Variants in DELE1 observed in about 807,000 individuals in gnomAD.
DELE1 encodes the protein DAP3 binding cell death enhancer 1.
DELE1 carries 54 observed loss-of-function variants against 59.3 expected under a neutral mutation model. The ratio of observed to expected loss-of-function variants is 0.91; its 90% confidence interval spans 0.73 to 1.14. DELE1 has a LOEUF of 1.14. DELE1 is among the 50% of genes most tolerant of loss of function. DELE1 has a pLI of 0.00. For synonymous variants in DELE1, 264 were observed against 259.1 expected (o/e 1.02, Z -0.18); for missense variants, 636 against 643.9 (o/e 0.99, Z 0.13).
intron 11 of DELE1, among the ~76,000 whole-genome samples, chr5:141,938,265 G>GGGACT (rs1752524951): frequency 6.6e-6 from 1 of 152,202 alleles, no homozygotes. Flanking sequence ...ATGACACTAA[G>GGGACT]GGACTTAGCA....
In DELE1 at chr5:141,934,579, A is replaced by G. The variant is rs1252229726; in HGVS notation, c.1142A>G (p.Asn381Ser). 20 of 1,614,040 alleles carry G rather than the reference A, an allele frequency of 1.2e-5. No individual in the cohort carries two copies. The highest frequency in any genetic ancestry group is 1.4e-5 in the Non-Finnish European group (17 of 1,179,960). ...RAVKYLWLAANNGDSQSRYHL... is the reference protein window; with the variant it reads ...RAVKYLWLAASNGDSQSRYHL... Reference sequence around the variant, plus strand: ...GTGAAATATCTTTGGCTTGCAGCCAACAATGGGGTATGCGATCTCAGTGGA... The same window carrying G: ...GTGAAATATCTTTGGCTTGCAGCCAGCAATGGGGTATGCGATCTCAGTGGA... Residue 381 changes from asparagine (N) to serine (S), a missense_variant, in exon 10 of 12, where the codon AAC becomes AGC. By Grantham distance (46) the Asn-to-Ser change is conservative. Transcript: ENST00000432126.
chr5:141,928,642 A>G (rs980837266), intron 4 of DELE1, among the ~76,000 whole-genome samples: 1 of 152,166 alleles, frequency 6.6e-6, no homozygotes, highest in African/African-American at 2.4e-5. Flanking sequence ...TTTATTGAGC[A>G]CCTATTATGT....
intron 2 of DELE1, among the ~76,000 whole-genome samples, chr5:141,925,052 C>T (rs1751279774): frequency 6.6e-6 from 1 of 152,140 alleles, no homozygotes; most frequent in African/African-American, 2.4e-5. Flanking sequence ...CTCAGCCTCC[C>T]AAGTAGCTGG....
chr5:141,938,720 C>A lies in DELE1; in HGVS notation c.1509C>A (p.Tyr503Ter). Residue 503 changes from tyrosine to a stop codon, truncating the protein, a stop_gained, in exon 12 of 12, where the codon TAC becomes TAA. Transcript: ENST00000432126. LOFTEE classifies it high-confidence loss of function. ...ASSRAIPPHP[Y>*]PLERSVVRLG... ...GCAGGGCTATTCCCCCACACCCCTA[C>A]CCACTGGAAAGGAGTGTTGTAAGAC... 4 of 1,614,022 alleles carry A rather than the reference C, an allele frequency of 2.5e-6. No individual in the cohort carries two copies. Among genetic ancestry groups the A allele is most frequent in the Non-Finnish European group, 3.4e-6 (4 of 1,179,984 alleles).
At position 141,939,551 on chromosome 5, in the gene DELE1, C is replaced by A. The variant is rs958776870; in HGVS notation, c.*792C>A. On this transcript the variant is annotated 3_prime_UTR_variant, in exon 12 of 12. Coordinates refer to ENST00000432126, the MANE Select transcript of DELE1 (RefSeq NM_014773.5). ...TGCCTGGATGTGTCTGCTTGACTTT[C>A]AGAACTTCTCACCTCAGCCCTAAAG... 1.0e-6 allele frequency: 1 copy of A among 985,762 alleles called. No homozygotes were observed. Among genetic ancestry groups the A allele is most frequent in the Non-Finnish European group, 1.2e-6 (1 of 829,926 alleles). The allele number at this position is 985,762 out of a possible 1,614,324, so 61.1% of individuals were successfully genotyped here.
intron 10 of DELE1, chr5:141,936,956 C>T (rs1752409052): frequency 7.6e-7 from 1 of 1,321,516 alleles, no homozygotes. Context: ...AGAGAAGCCT[C>T]CACACTGCCC....
chr5:141,933,383 C>T lies in DELE1; in HGVS notation c.879C>T (p.Thr293=). The part of the protein sequence containing the change: ...AGLCHEHGRG[T]PRDISKAVLY... The stretch of plus-strand genomic sequence containing the variant: ...TGTGTCATGAGCATGGCAGAGGCAC[C>T]CCCAGGGACATTAGCAAGGTATTCC... The change falls in exon 8 of 12, where the codon ACC becomes ACT. Residue 293 remains threonine (T), a synonymous_variant. Transcript: ENST00000432126. 1 of 1,504,906 alleles carries T rather than the reference C, an allele frequency of 6.6e-7. No individual in the cohort carries two copies. Among genetic ancestry groups the T allele is most frequent in the South Asian group, 1.3e-5 (1 of 79,160 alleles). The allele number at this position is 1,504,906 out of a possible 1,614,324, so 93.2% of individuals were successfully genotyped here. A position where few individuals can be genotyped will look rare whatever the true frequency, so the allele number is the denominator to read the frequency against.
Position 141,940,126 on chromosome 5 carries a change from T to G in DELE1, c.*1367T>G. On this transcript the variant is annotated 3_prime_UTR_variant, in exon 12 of 12. Transcript: ENST00000432126. ...CATGTGCCAGAAATGTCTAGGTGTT[T>G]AATAAAACAGATATTGGATTATCTC... 1.0e-6 allele frequency: 1 copy of G among 985,414 alleles called. No individual in the cohort carries two copies. The highest frequency in any genetic ancestry group is 1.2e-6 in the Non-Finnish European group (1 of 829,938). 61.0% of individuals were successfully genotyped at this position (985,414 alleles called of 1,614,324 possible). A position where few individuals can be genotyped will look rare whatever the true frequency, so the allele number is the denominator to read the frequency against.
Position 141,941,793 on chromosome 5 carries a change from A to G in DELE1, c.*3034A>G, listed in dbSNP as rs1209334135. ...AGTGTGGGGCACTCAGATGTTCAGT[A>G]AATATACATTCAACAAATAAGTGAG... On this transcript the variant is annotated 3_prime_UTR_variant, in exon 12 of 12. Coordinates refer to ENST00000432126, the MANE Select transcript of DELE1 (RefSeq NM_014773.5). 2.0e-6 allele frequency: 2 copies of G among 985,294 alleles called. No individual in the cohort carries two copies. The highest frequency in any genetic ancestry group is 2.4e-6 in the Non-Finnish European group (2 of 829,936). The allele number at this position is 985,294 out of a possible 1,614,324, so 61.0% of individuals were successfully genotyped here.
intron 10 of DELE1, chr5:141,936,753 A>G (rs1269920752): frequency 2.2e-5 from 11 of 496,462 alleles, no homozygotes; most frequent in Non-Finnish European, 2.9e-5. Flanking sequence ...TTTTTAAAGG[A>G]GAAGAGTTTC....
chr5:141,929,668 G>T lies in DELE1; in HGVS notation c.499G>T (p.Ala167Ser). 6.2e-7 allele frequency: 1 copy of T among 1,614,240 alleles called. No homozygotes were observed. The change falls in exon 5 of 12, where the codon GCC (alanine) becomes TCC (serine). Residue 167 changes from alanine (A) to serine (S), a missense_variant. Coordinates refer to ENST00000432126, the MANE Select transcript of DELE1 (RefSeq NM_014773.5). ...LREPRLGQEE[A>S]SAQPRNFSHN... Reference sequence around the variant, plus strand: ...GGAACCCAGGCTTGGCCAGGAAGAAGCCTCAGCTCAGCCCCGGAACTTCTC... The same window carrying T: ...GGAACCCAGGCTTGGCCAGGAAGAATCCTCAGCTCAGCCCCGGAACTTCTC...
Position 141,938,764 on chromosome 5 carries a change from A to G in DELE1, c.*5A>G, listed in dbSNP as rs771402566. The G allele has an allele frequency of 5.3e-5, 85 of 1,608,308 alleles. No homozygotes were observed. In the Admixed American group the frequency reaches 1.4e-3, roughly 26 times the overall value. ...GTAAGACTAGGTTTTGGCTAAGGTG[A>G]GATAAAACATAGTCCCTGGTGCCTC... is the stretch of plus-strand genomic sequence containing the variant. On this transcript the variant is annotated 3_prime_UTR_variant, in exon 12 of 12. Coordinates refer to ENST00000432126, the MANE Select transcript of DELE1 (RefSeq NM_014773.5).
intron 3 of DELE1, among the ~76,000 whole-genome samples, chr5:141,927,343 G>A (rs1751504491): frequency 6.6e-6 from 1 of 152,128 alleles, no homozygotes; most frequent in African/African-American, 2.4e-5. Flanking sequence ...GGGATTACAG[G>A]TGTGCCCCAC....
Position 141,925,498 on chromosome 5 carries a change from C to G in DELE1, c.235C>G (p.Pro79Ala), listed in dbSNP as rs755183106. Residue 79 changes from proline to alanine, a missense_variant, in exon 3 of 12, where the codon CCG (proline) becomes GCG (alanine). Transcript: ENST00000432126. Reference protein sequence around the residue: ...AFQWMSSRVSPNTLWDAISWG... With the variant: ...AFQWMSSRVSANTLWDAISWG... ...CCAATGGATGTCTTCCCGTGTCTCC[C>G]CGAACACCCTATGGGATGCCATATC... The G allele has an allele frequency of 5.1e-5, 81 of 1,602,672 alleles. No individual in the cohort carries two copies. Among genetic ancestry groups the G allele is most frequent in the Non-Finnish European group, 6.1e-5 (72 of 1,174,818 alleles).
At chr5:141,928,021 T>A in intron 3 of DELE1, 130 bp from the exon 4 acceptor site, 1 of 909,012 alleles carries the variant, frequency 1.1e-6, no homozygotes, top group East Asian at 2.5e-5. Context: ...GAAGTTAGGG[T>A]GTTGTGAAAG....
chr5:141,939,859 C>G lies in DELE1; in HGVS notation c.*1100C>G, dbSNP rs1373492334. ...AAGGGCATTTCACCACAGAGAGGAC[C>G]TTTGTGCTCACTTTGGCCCAGGAGG... On this transcript the variant is annotated 3_prime_UTR_variant, in exon 12 of 12. Coordinates refer to ENST00000432126, the MANE Select transcript of DELE1 (RefSeq NM_014773.5). 1.8e-6 allele frequency: 1 copy of G among 564,252 alleles called. No homozygotes were observed. Among genetic ancestry groups the G allele is most frequent in the Non-Finnish European group, 2.2e-6 (1 of 445,520 alleles). 35.0% of individuals were successfully genotyped at this position (564,252 alleles called of 1,614,324 possible). A position where few individuals can be genotyped will look rare whatever the true frequency, so the allele number is the denominator to read the frequency against.
intron 7 of DELE1, among the ~76,000 whole-genome samples, chr5:141,931,552 C>T (rs896248343): frequency 3.9e-5 from 6 of 152,102 alleles, no homozygotes; most frequent in African/African-American, 7.2e-5. Flanking sequence ...ACGAGGCAGG[C>T]GCTGTTGGTG....
chr5:141,930,012 C>T lies in DELE1; in HGVS notation c.595C>T (p.His199Tyr). ...EEGPGDFGFLHASSSIESEAK... is the reference protein window; with the variant it reads ...EEGPGDFGFLYASSSIESEAK... The stretch of plus-strand genomic sequence containing the variant: ...AGGTCCCGGTGATTTTGGCTTCCTG[C>T]ATGCCAGTAGTAGCATCGAGTCCGA... Residue 199 changes from histidine to tyrosine, a missense_variant, in exon 6 of 12, where the codon CAT becomes TAT. Physicochemically the swap from His to Tyr is moderately conservative, Grantham distance 83. Coordinates refer to ENST00000432126, the MANE Select transcript of DELE1 (RefSeq NM_014773.5). The T allele has an allele frequency of 6.2e-7, 1 of 1,614,178 alleles. No individual in the cohort carries two copies. Among genetic ancestry groups the T allele is most frequent in the Non-Finnish European group, 8.5e-7 (1 of 1,180,032 alleles).
chr5:141,926,693 G>C (rs530679793), intron 3 of DELE1, among the ~76,000 whole-genome samples: 1 of 152,364 alleles, frequency 6.6e-6, no homozygotes, highest in South Asian at 2.1e-4. Context: ...CTGAGCCTGG[G>C]ATGTCTCCAT....
Sources: gnomAD v4.1 joint callset for allele counts (sites outside exome capture counted in the v4.1 genomes callset) on GRCh38, gnomAD v4.1.1 for gene constraint, MANE v1.5 for transcripts, NCBI Gene and HGNC (gene_info 2026-07-23, HGNC 2026-07-21) for gene names.